ANO5: variants seen among roughly 807,000 people sequenced by gnomAD.
ANO5 encodes anoctamin-5.
In ANO5, 109 loss-of-function variants were observed where a neutral mutation model predicts 121.0. That is an observed-to-expected ratio of 0.90 (90% CI 0.77 to 1.06). ANO5 has a LOEUF of 1.06. Among genes scored for constraint, ANO5 ranks in the 50% least tolerant of loss-of-function variants. ANO5 has a pLI of 0.00. For missense variants in ANO5, 1,064 were observed against 1,078.5 expected (o/e 0.99, Z 0.19); for synonymous variants, 406 against 359.9 (o/e 1.13, Z -1.45).
At chr11:22,217,606 C>G (rs1852490298) in intron 3 of ANO5, among the ~76,000 whole-genome samples, 1 of 151,284 alleles carries the variant, frequency 6.6e-6, no homozygotes, top group Non-Finnish European at 1.5e-5. Flanking sequence ...TTTCTCTTCT[C>G]TTCCTTAATT....
intron 6 of ANO5, among the ~76,000 whole-genome samples, chr11:22,226,980 T>C (rs1366186072): frequency 2.0e-5 from 3 of 152,062 alleles, no homozygotes. Flanking sequence ...CAGAACCGCA[T>C]AGGTTATTGT....
intron 19 of ANO5, among the ~76,000 whole-genome samples, chr11:22,273,550 C>T (rs911392771): frequency 6.6e-6 from 1 of 151,956 alleles, no homozygotes; most frequent in Non-Finnish European, 1.5e-5. Context: ...TGAGCCAAAA[C>T]CACTATTACA....
At chr11:22,226,186 G>C in intron 6 of ANO5, 134 bp downstream of exon 6, 4 of 709,468 alleles carry the variant, frequency 5.6e-6, no homozygotes, top group Non-Finnish European at 1.0e-5. Context: ...TGTGCACCGG[G>C]ATGATAGGGC....
At chr11:22,254,382 C>T (rs575911733) in intron 12 of ANO5, among the ~76,000 whole-genome samples, 1 of 151,972 alleles carries the variant, frequency 6.6e-6, no homozygotes, top group South Asian at 2.1e-4. Flanking sequence ...TAAGTATATC[C>T]GAACAGAAAG....
chr11:22,244,530 T>C (rs1019914597), intron 9 of ANO5, among the ~76,000 whole-genome samples: 2 of 152,028 alleles, frequency 1.3e-5, no homozygotes, highest in Non-Finnish European at 2.9e-5. Flanking sequence ...CAATAAGTCA[T>C]AAGTTTGGTC....
chr11:22,202,059 T>G (rs886336691), intron 1 of ANO5, among the ~76,000 whole-genome samples: 53 of 152,044 alleles, frequency 3.5e-4, no homozygotes, highest in Non-Finnish European at 7.4e-5. Flanking sequence ...TGGTTGGTTT[T>G]AGTTAATTTT....
In ANO5 at chr11:22,250,937, T is replaced by C. The variant is rs766391401; in HGVS notation, c.1120-14T>C. The C allele has an allele frequency of 6.2e-7, 1 of 1,611,580 alleles. No individual in the cohort carries two copies. The highest frequency in any genetic ancestry group is 1.7e-5 in the Admixed American group (1 of 59,982). ...TAAATTATCTTTGTGATATTGTTAT[T>C]GTTATTTTTACAGTTCTCCCATTTG... On this transcript the variant is annotated splice_polypyrimidine_tract_variant and intron_variant, in intron 11 of 21. Transcript: ENST00000324559.
chr11:22,239,820 A>T (rs1426747790), intron 9 of ANO5, 136 bp downstream of exon 9: 1 of 688,426 alleles, frequency 1.5e-6, no homozygotes, highest in Non-Finnish European at 2.6e-6. Flanking sequence ...TACACTATAA[A>T]TTAGCAATTC....
At position 22,279,713 on chromosome 11, in the gene ANO5, A is replaced by G. The variant is rs1186969872; in HGVS notation, c.2690A>G (p.Lys897Arg). ...GGAATTAATTCTAATGAATTTGCCA[A>G]GCATGTCATGATTGAGGAAAACAAA... ...NLGINSNEFA[K>R]HVMIEENKAQ... is the part of the protein sequence containing the mutation. Residue 897 changes from lysine to arginine, a missense_variant, in exon 22 of 22, where the codon AAG becomes AGG. Physicochemically the swap from Lys to Arg is conservative, Grantham distance 26. Transcript: ENST00000324559. The G allele has an allele frequency of 6.2e-7, 1 of 1,612,922 alleles. No individual in the cohort carries two copies. The highest frequency in any genetic ancestry group is 2.2e-5 in the East Asian group (1 of 44,836).
At chr11:22,204,823 C>T (rs960408562) in intron 2 of ANO5, among the ~76,000 whole-genome samples, 7 of 152,040 alleles carry the variant, frequency 4.6e-5, no homozygotes, top group Admixed American at 1.3e-4. Flanking sequence ...AAATACCATT[C>T]GACCCAGCAA....
intron 20 of ANO5, among the ~76,000 whole-genome samples, chr11:22,275,275 T>C (rs142476703): frequency 6.6e-6 from 1 of 151,568 alleles, no homozygotes; most frequent in Non-Finnish European, 1.5e-5. Flanking sequence ...CAGTGTATCA[T>C]GTACTGTGGG....
intron 1 of ANO5, among the ~76,000 whole-genome samples, chr11:22,199,609 A>G (rs1057119120): frequency 1.3e-5 from 2 of 152,138 alleles, no homozygotes; most frequent in African/African-American, 4.8e-5. Context: ...TAGTTTTATG[A>G]AAATAGGTAT....
chr11:22,278,086 G>A (rs1158378329), intron 21 of ANO5: 1 of 151,474 alleles, frequency 6.6e-6, no homozygotes, highest in East Asian at 1.9e-4. Context: ...TGAAGATATT[G>A]CTTCATTTTC....
At chr11:22,254,296 G>C (rs1203653308) in intron 12 of ANO5, among the ~76,000 whole-genome samples, 1 of 152,176 alleles carries the variant, frequency 6.6e-6, no homozygotes, top group Non-Finnish European at 1.5e-5. Flanking sequence ...AAAAGGTAGA[G>C]AGTGAGTCAG....
chr11:22,198,633 A>G (rs990595607), intron 1 of ANO5, among the ~76,000 whole-genome samples: 3 of 152,186 alleles, frequency 2.0e-5, no homozygotes, highest in African/African-American at 7.2e-5. Context: ...TTCTTTTTGT[A>G]AAAATAGAAT....
At chr11:22,269,277 G>A (rs1462631931) in intron 17 of ANO5, among the ~76,000 whole-genome samples, 4 of 51,398 alleles carry the variant, frequency 7.8e-5, no homozygotes, top group South Asian at 6.7e-4. Context: ...GGAAGGGAAG[G>A]GAAGAGAAGG....
At chr11:22,274,924 G>A (rs1032422833) in intron 20 of ANO5, among the ~76,000 whole-genome samples, 177 bp downstream of exon 20, 1 of 151,770 alleles carries the variant, frequency 6.6e-6, no homozygotes, top group Non-Finnish European at 1.5e-5. Flanking sequence ...GATTTGAAAA[G>A]GTAAAATGGC....
chr11:22,250,935 A>T lies in ANO5; in HGVS notation c.1120-16A>T, dbSNP rs1364100527. 2 of 1,610,758 alleles carry T rather than the reference A, an allele frequency of 1.2e-6. No homozygotes were observed. Among genetic ancestry groups the T allele is most frequent in the Non-Finnish European group, 8.5e-7 (1 of 1,177,528 alleles). ...ACTAAATTATCTTTGTGATATTGTT[A>T]TTGTTATTTTTACAGTTCTCCCATT... On this transcript the variant is annotated splice_polypyrimidine_tract_variant and intron_variant, in intron 11 of 21. Transcript: ENST00000324559.
chr11:22,244,264 G>A (rs1853541968), intron 9 of ANO5, among the ~76,000 whole-genome samples: 1 of 152,096 alleles, frequency 6.6e-6, no homozygotes, highest in Non-Finnish European at 1.5e-5. Context: ...GATTTCTGCT[G>A]ACAGGTCTGC....
Sources: gnomAD v4.1 joint callset for allele counts (sites outside exome capture counted in the v4.1 genomes callset) on GRCh38, gnomAD v4.1.1 for gene constraint, MANE v1.5 for transcripts, NCBI Gene and HGNC (gene_info 2026-07-23, HGNC 2026-07-21) for gene names.